Variants in ARL15 observed in about 807,000 individuals in gnomAD.
ARL15 encodes ADP-ribosylation factor-like protein 15.
A neutral mutation model predicts 25.2 loss-of-function variants in ARL15; 19 were observed. The ratio of observed to expected loss-of-function variants is 0.75; its 90% CI spans 0.53 to 1.10. The LOEUF (loss-of-function observed/expected upper bound fraction) is 1.10. ARL15 is among the 50% of genes least tolerant of loss of function. ARL15 has a pLI of 0.00. For synonymous variants in ARL15, 94 were observed against 86.8 expected (o/e 1.08, Z -0.46); for missense variants, 220 against 246.0 (o/e 0.89, Z 0.71).
intron 1 of ARL15, among the ~76,000 whole-genome samples, chr5:54,191,896 C>T (rs994648978): frequency 6.6e-6 from 1 of 152,164 alleles, no homozygotes; most frequent in Non-Finnish European, 1.5e-5. Flanking sequence ...AGGCTCCCAT[C>T]TCACTCAGGC....
At chr5:54,137,885 T>A (rs1753653820) in intron 3 of ARL15, among the ~76,000 whole-genome samples, 1 of 152,130 alleles carries the variant, frequency 6.6e-6, no homozygotes, top group South Asian at 2.1e-4. Flanking sequence ...AAGCTTTTTT[T>A]TTTTTTAAAG....
chr5:53,930,368 G>C (rs1746160209), intron 4 of ARL15, among the ~76,000 whole-genome samples: 1 of 152,248 alleles, frequency 6.6e-6, no homozygotes, highest in East Asian at 1.9e-4. Context: ...GTATCATCAG[G>C]GCAGCTTGAA....
intron 1 of ARL15, among the ~76,000 whole-genome samples, chr5:54,287,741 T>C (rs1758218049): frequency 6.6e-6 from 1 of 152,174 alleles, no homozygotes. Flanking sequence ...GTCAGGGACT[T>C]AGCATGGTCA....
At chr5:54,124,836 T>C (rs987807742) in intron 3 of ARL15, among the ~76,000 whole-genome samples, 1 of 152,122 alleles carries the variant, frequency 6.6e-6, no homozygotes, top group African/African-American at 2.4e-5. Flanking sequence ...AAATGTTACA[T>C]GGTGAAGGCT....
At chr5:54,214,036 T>C (rs1756116270) in intron 1 of ARL15, among the ~76,000 whole-genome samples, 1 of 151,012 alleles carries the variant, frequency 6.6e-6, no homozygotes, top group African/African-American at 2.4e-5. Flanking sequence ...CCAAACAGAG[T>C]AATCAAATGA....
chr5:54,282,619 C>A (rs1051867178), intron 1 of ARL15: 110 of 949,382 alleles, frequency 1.2e-4, no homozygotes, highest in Non-Finnish European at 1.4e-4. Flanking sequence ...AATTTTACTT[C>A]TTTCAAATCT....
chr5:54,001,994 C>T (rs6450175), intron 4 of ARL15, among the ~76,000 whole-genome samples: 41,989 of 152,108 alleles, frequency 0.28, 6,043 homozygotes, highest in East Asian at 0.46. Flanking sequence ...ATAAATGCCA[C>T]AAGGCACAAA....
At chr5:54,058,833 C>T (rs1046775182) in intron 4 of ARL15, among the ~76,000 whole-genome samples, 7 of 152,080 alleles carry the variant, frequency 4.6e-5, no homozygotes, top group African/African-American at 1.7e-4. Flanking sequence ...TTCAAGGCTC[C>T]CTCGGGTTAC....
Position 54,199,360 on chromosome 5 carries a change from A to T in ARL15, c.49-27432T>A, listed in dbSNP as rs1203273399. 3.3e-5 allele frequency among the ~76,000 whole-genome samples: 5 copies of T among 151,786 alleles called. No individual in the cohort carries two copies. In the East Asian group the frequency reaches 9.6e-4, roughly 29 times the overall value. ...GAAACTACCATCAGAGTGAACAGGC[A>T]ACCCACAAAATGGGAGAAAATTTTC... On this transcript the variant is annotated intron_variant, in intron 1 of 4. Transcript: ENST00000504924.
At chr5:53,978,256 G>A (rs1471939475) in intron 4 of ARL15, among the ~76,000 whole-genome samples, 1 of 152,064 alleles carries the variant, frequency 6.6e-6, no homozygotes, top group East Asian at 1.9e-4. Context: ...ATAATCACAT[G>A]GTATTCACAT....
chr5:54,014,240 G>A (rs1193072828), intron 4 of ARL15, among the ~76,000 whole-genome samples: 1 of 152,064 alleles, frequency 6.6e-6, no homozygotes, highest in East Asian at 1.9e-4. Flanking sequence ...AAGGCTCTTG[G>A]AGAACAACAG....
rs1754465268 is a variant in ARL15, at chr5:54,163,355, G to GTTTTT, written c.193+8428_193+8429insAAAAA. ...TGTCCATGAGGGCTATTGGTATGAA[G>GTTTTT]CTTTTTTTTTTTTTTTTTTTTTTTT... On this transcript the variant is annotated intron_variant, in intron 2 of 4. Coordinates refer to ENST00000504924, the MANE Select transcript of ARL15 (RefSeq NM_019087.3). Among the ~76,000 whole-genome samples the GTTTTT allele has an allele frequency of 1.3e-3, 68 of 51,346 alleles. 20 individuals are homozygous for GTTTTT. The highest frequency in any genetic ancestry group is 5.6e-3 in the South Asian group (6 of 1,068). The allele number at this position is 51,346 out of a possible 152,430, so 33.7% of individuals were successfully genotyped here.
At chr5:54,207,012 C>T (rs913075546) in intron 1 of ARL15, among the ~76,000 whole-genome samples, 1 of 152,228 alleles carries the variant, frequency 6.6e-6, no homozygotes. Flanking sequence ...AGAAGGGGAA[C>T]CCCACGCCCA....
rs1236501059 is a variant in ARL15 at position 54,128,709 on chromosome 5, T to TC, written c.254-15300_254-15299insG. On this transcript the variant is annotated intron_variant, in intron 3 of 4. Transcript: ENST00000504924. The stretch of plus-strand genomic sequence containing the variant: ...TCCTATATTTATTATTTTGATTCTT[T>TC]TTTTTTTTTTTTTTGAGATGGAGTC... Among the ~76,000 whole-genome samples the TC allele has an allele frequency of 1.1e-4, 16 of 147,964 alleles. No homozygotes were observed. The East Asian group carries it at 2.7e-3, about 25-fold the overall frequency.
intron 4 of ARL15, among the ~76,000 whole-genome samples, chr5:54,066,442 A>G (rs1453655753): frequency 6.6e-6 from 1 of 152,228 alleles, no homozygotes; most frequent in Non-Finnish European, 1.5e-5. Context: ...TATAGCATGA[A>G]CAATCAGAAT....
chr5:54,128,927 G>A (rs986517532), intron 3 of ARL15, among the ~76,000 whole-genome samples: 4 of 151,802 alleles, frequency 2.6e-5, no homozygotes, highest in African/African-American at 7.3e-5. Context: ...GGACGGTCTC[G>A]ATTTCCCAAC....
chr5:54,090,682 A>T (rs897045704), intron 4 of ARL15, among the ~76,000 whole-genome samples: 1 of 152,160 alleles, frequency 6.6e-6, no homozygotes, highest in Non-Finnish European at 1.5e-5. Flanking sequence ...AAGAAAGGGA[A>T]AGAAGGAAAG....
chr5:54,234,662 G>T (rs888500486), intron 1 of ARL15, among the ~76,000 whole-genome samples: 1 of 152,188 alleles, frequency 6.6e-6, no homozygotes, highest in Non-Finnish European at 1.5e-5. Flanking sequence ...GCTTTCCAAA[G>T]CTGTTAACCC....
intron 4 of ARL15, among the ~76,000 whole-genome samples, chr5:54,040,496 T>G (rs1750304559): frequency 6.6e-6 from 1 of 152,164 alleles, no homozygotes; most frequent in South Asian, 2.1e-4. Flanking sequence ...TAACAGCACC[T>G]AAAAGCTTGG....
Sources: gnomAD v4.1 joint callset for allele counts (sites outside exome capture counted in the v4.1 genomes callset) on GRCh38, gnomAD v4.1.1 for gene constraint, MANE v1.5 for transcripts, NCBI Gene and HGNC (gene_info 2026-07-23, HGNC 2026-07-21) for gene names.